The following ASTN2 variants were observed in gnomAD, a reference collection of about 807,000 sequenced individuals.
The protein encoded by ASTN2 is astrotactin-2.
In ASTN2, 54 loss-of-function variants were observed where a neutral mutation model predicts 139.8. That is an observed-to-expected ratio of 0.39 (90% CI 0.31 to 0.48). The LOEUF is 0.48. Among genes scored for constraint, ASTN2 ranks in the 20% least tolerant of loss-of-function variants. The probability of loss-of-function intolerance (pLI) is 0.95; values close to 1 mark genes in which losing one functional copy is unlikely to be tolerated. For missense variants in ASTN2, 1,565 were observed against 1,725.1 expected (o/e 0.91, Z 1.64); for synonymous variants, 756 against 719.5 (o/e 1.05, Z -0.81).
Position 116,863,643 on chromosome 9 carries a change from C to T in ASTN2, c.1980G>A (p.Gly660=). The change falls in exon 11 of 23, where the codon GGG becomes GGA. Residue 660 remains glycine (G), a synonymous_variant. Coordinates refer to ENST00000313400, the MANE Select transcript of ASTN2 (RefSeq NM_001365068.1). The part of the protein sequence containing the change: ...GPVRDCSRNN[G]GCTRNFKCVS... ...CACACTTGAAGTTGCGAGTGCAGCC[C>T]CCATTGTTCCGAGAGCAGTCACGAA... is the stretch of plus-strand genomic sequence containing the variant. 1.2e-6 allele frequency: 2 copies of T among 1,614,152 alleles called. No individual in the cohort carries two copies. Among genetic ancestry groups the T allele is most frequent in the Non-Finnish European group, 1.7e-6 (2 of 1,180,028 alleles).
chr9:117,033,072 C>A (rs1838290136), intron 6 of ASTN2, among the ~76,000 whole-genome samples: 1 of 152,160 alleles, frequency 6.6e-6, no homozygotes, highest in Admixed American at 6.6e-5. Flanking sequence ...TGTTTTCACC[C>A]ATTTCTGAGC....
At chr9:117,123,481 T>C (rs1703851967) in intron 4 of ASTN2, among the ~76,000 whole-genome samples, 1 of 152,140 alleles carries the variant, frequency 6.6e-6, no homozygotes, top group Admixed American at 6.5e-5. Flanking sequence ...AATAATAATA[T>C]ATACACTATG....
At chr9:116,466,895 C>T (rs150781150) in intron 20 of ASTN2, among the ~76,000 whole-genome samples, 2 of 152,004 alleles carry the variant, frequency 1.3e-5, no homozygotes, top group Middle Eastern at 3.2e-3. Context: ...TTTTTGCTAT[C>T]AGTTTTGTTT....
Position 117,265,531 on chromosome 9 carries a change from G to A in ASTN2, c.630+25795C>T, listed in dbSNP as rs368091058. 1.2e-3 allele frequency among the ~76,000 whole-genome samples: 188 copies of A among 152,278 alleles called. 1 individual carries two copies. The highest frequency in any genetic ancestry group is 4.3e-3 in the African/African-American group (177 of 41,552). On this transcript the variant is annotated intron_variant, in intron 2 of 22. Coordinates refer to ENST00000313400, the MANE Select transcript of ASTN2 (RefSeq NM_001365068.1). The stretch of plus-strand genomic sequence containing the variant: ...AAGTCAAGCCAGCATTCATGGAGAG[G>A]GTCAGTGTTGAGGGCATGTGGGCTG...
At chr9:116,604,819 G>A (rs1018282591) in intron 19 of ASTN2, among the ~76,000 whole-genome samples, 12 of 152,216 alleles carry the variant, frequency 7.9e-5, no homozygotes, top group African/African-American at 2.7e-4. Flanking sequence ...GATGGTGTGT[G>A]TGTTGGGATG....
intron 4 of ASTN2, among the ~76,000 whole-genome samples, chr9:117,099,550 G>C (rs2132761359): frequency 6.6e-6 from 1 of 152,342 alleles, no homozygotes; most frequent in South Asian, 2.1e-4. Flanking sequence ...CACTTGCATA[G>C]TGCAGTATCT....
At chr9:116,734,762 G>T (rs1453827402) in intron 13 of ASTN2, among the ~76,000 whole-genome samples, 1 of 152,106 alleles carries the variant, frequency 6.6e-6, no homozygotes, top group Non-Finnish European at 1.5e-5. Flanking sequence ...GTGTTGAGTG[G>T]CTTGGGTCAC....
chr9:116,660,168 GCACACACACA>G (rs3041004), intron 16 of ASTN2, among the ~76,000 whole-genome samples: 39 of 146,684 alleles, frequency 2.7e-4, no homozygotes, highest in African/African-American at 8.3e-4. Flanking sequence ...TATTGCAAGC[GCACACACACA>G]CACACACACA....
At chr9:116,956,691 T>C (rs1481746164) in intron 10 of ASTN2, among the ~76,000 whole-genome samples, 2 of 151,966 alleles carry the variant, frequency 1.3e-5, no homozygotes, top group Non-Finnish European at 2.9e-5. Context: ...CATACATACA[T>C]ACACACACAA....
At chr9:117,242,137 T>C (rs1284950999) in intron 2 of ASTN2, among the ~76,000 whole-genome samples, 1 of 151,146 alleles carries the variant, frequency 6.6e-6, no homozygotes, top group African/African-American at 2.4e-5. Flanking sequence ...CCAATTAGTT[T>C]CATTTAACGT....
chr9:117,325,685 C>A (rs908900300), intron 1 of ASTN2, among the ~76,000 whole-genome samples: 1 of 152,074 alleles, frequency 6.6e-6, no homozygotes, highest in Non-Finnish European at 1.5e-5. Flanking sequence ...GTTCTGTTGT[C>A]AAGATAATGC....
chr9:116,814,833 C>G (rs1831266765), intron 12 of ASTN2, among the ~76,000 whole-genome samples: 1 of 152,160 alleles, frequency 6.6e-6, no homozygotes, highest in Admixed American at 6.5e-5. Flanking sequence ...ATGTTCCATA[C>G]AATCCACACT....
intron 6 of ASTN2, among the ~76,000 whole-genome samples, chr9:117,022,022 A>C (rs2132616863): frequency 6.6e-6 from 1 of 152,254 alleles, no homozygotes; most frequent in South Asian, 2.1e-4. Flanking sequence ...TTAGCTTTGG[A>C]TATAGCAGTG....
chr9:117,155,632 A>G (rs1309827486), intron 3 of ASTN2, among the ~76,000 whole-genome samples: 1 of 152,062 alleles, frequency 6.6e-6, no homozygotes, highest in Admixed American at 6.6e-5. Context: ...GATAAGGGTT[A>G]CAGACTATCA....
chr9:117,116,110 C>T (rs900413242), intron 4 of ASTN2, among the ~76,000 whole-genome samples: 1 of 151,016 alleles, frequency 6.6e-6, no homozygotes, highest in Non-Finnish European at 1.5e-5. Flanking sequence ...ATCCAGAAGG[C>T]AGAATGAAGT....
chr9:116,975,256 G>C lies in ASTN2; in HGVS notation c.1841C>G (p.Ala614Gly), dbSNP rs991358323. The C allele has an allele frequency of 9.9e-6, 16 of 1,613,350 alleles. No homozygotes were observed. Among genetic ancestry groups the C allele is most frequent in the Non-Finnish European group, 1.4e-5 (16 of 1,179,678 alleles). ...GACGAGCACATCGGTCTTGCAGCTG[G>C]CCAGGGGGTTGATGGACAGCTCCAC... ...PPVELSINPL[A>G]SCKTDVLVTE... is the part of the protein sequence containing the mutation. Residue 614 changes from alanine (A) to glycine (G), a missense_variant, in exon 10 of 23, where the codon GCC becomes GGC. This residue lies in a region of ASTN2 where 503 missense variants were observed against 591.7 expected (regional missense o/e 0.85). Transcript: ENST00000313400.
At chr9:116,754,611 A>G (rs1415963770) in intron 13 of ASTN2, among the ~76,000 whole-genome samples, 1 of 152,194 alleles carries the variant, frequency 6.6e-6, no homozygotes, top group African/African-American at 2.4e-5. Flanking sequence ...ACACTGGCAG[A>G]GTTGAGTAGT....
At chr9:117,006,144 A>ATTTC (rs1837347947) in intron 7 of ASTN2, among the ~76,000 whole-genome samples, 1 of 151,952 alleles carries the variant, frequency 6.6e-6, no homozygotes, top group Non-Finnish European at 1.5e-5. Context: ...CACTGTAAAC[A>ATTTC]CCCACACCCA....
chr9:116,827,750 C>G (rs1831678240), intron 11 of ASTN2, among the ~76,000 whole-genome samples: 1 of 152,096 alleles, frequency 6.6e-6, no homozygotes, highest in Admixed American at 6.6e-5. Context: ...AAAAATATCT[C>G]TCAATAACAA....
Sources: allele counts gnomAD v4.1 joint callset (sites outside exome capture counted in the v4.1 genomes callset), GRCh38; gene constraint gnomAD v4.1.1; regional missense constraint gnomAD v4.1.1; transcripts MANE v1.5; gene names NCBI Gene and HGNC (gene_info 2026-07-23, HGNC 2026-07-21).